POTEC: variants seen among roughly 807,000 people sequenced by gnomAD.
The protein encoded by POTEC is ANKRD26-like family B member 2.
In POTEC, 35 loss-of-function variants were observed where a neutral mutation model predicts 62.0. That is an observed-to-expected ratio of 0.56 (90% CI 0.43 to 0.75). The LOEUF is 0.75. POTEC is among the 30% of genes least tolerant of loss of function. The pLI is 0.00. For missense variants in POTEC, 472 were observed against 655.9 expected (o/e 0.72, Z 3.06); for synonymous variants, 156 against 221.5 (o/e 0.70, Z 2.62).
At chr18:14,530,186 G>A (rs905004188) in intron 6 of POTEC, among the ~76,000 whole-genome samples, 11 of 151,746 alleles carry the variant, frequency 7.2e-5, no homozygotes, top group Non-Finnish European at 1.3e-4. Flanking sequence ...AGAATCTAAT[G>A]CCTGATGATA....
At position 14,511,601 on chromosome 18, in the gene POTEC, TC is replaced by T; in HGVS notation, c.*296del. ...TTCATGTTTGTTCTCTGGAAAGAAGTCCCTTTCAGCTATCTGACTTTGATCA... is the reference window on the plus strand; with the variant it reads ...TTCATGTTTGTTCTCTGGAAAGAAGTCCTTTCAGCTATCTGACTTTGATCA... On this transcript the variant is annotated 3_prime_UTR_variant, in exon 11 of 11. Transcript: ENST00000358970. 2.0e-6 allele frequency: 1 copy of T among 498,418 alleles called. No individual in the cohort carries two copies. The highest frequency in any genetic ancestry group is 3.6e-6 in the Non-Finnish European group (1 of 281,528). 30.9% of individuals were successfully genotyped at this position (498,418 alleles called of 1,614,324 possible). A position where few individuals can be genotyped will look rare whatever the true frequency, so the allele number is the denominator to read the frequency against.
chr18:14,513,519 G>A (rs1910063985), intron 10 of POTEC, 143 bp downstream of exon 10: 11 of 1,309,220 alleles, frequency 8.4e-6, no homozygotes, highest in Non-Finnish European at 1.1e-5. Context: ...GATATACAGG[G>A]TGTGTGTTTA....
Position 14,511,987 on chromosome 18 carries a change from G to A in POTEC, c.1540C>T (p.Leu514Phe), listed in dbSNP as rs777360180. The change falls in exon 11 of 11, where the codon CTT becomes TTT. Residue 514 changes from leucine to phenylalanine, a missense_variant. Physicochemically the swap from Leu to Phe is conservative, Grantham distance 22. Coordinates refer to ENST00000358970, the MANE Select transcript of POTEC (RefSeq NM_001137671.2). ...AGATCTTCTTCTTTCTTATGACTAA[G>A]AGAAAGCTAAGTAAACAAAGGGAAC... ...AEKKMNSELS[L>F]SHKKEEDLLR... 1.6e-5 allele frequency: 26 copies of A among 1,612,016 alleles called. 1 individual carries two copies. The South Asian group carries it at 2.9e-4, about 18-fold the overall frequency.
At chr18:14,531,958 TG>T (rs1160836908) in intron 5 of POTEC, among the ~76,000 whole-genome samples, 1 of 151,224 alleles carries the variant, frequency 6.6e-6, no homozygotes, top group East Asian at 2.0e-4. Context: ...GGAAGTAGCT[TG>T]GATGATTTTC....
At chr18:14,518,125 G>A (rs868015240) in intron 9 of POTEC, among the ~76,000 whole-genome samples, 44 of 152,072 alleles carry the variant, frequency 2.9e-4, no homozygotes, top group African/African-American at 9.7e-4. Context: ...AATATATCCA[G>A]GATAAACTCC....
In POTEC at chr18:14,522,264, C is replaced by T. The variant is rs1210507056; in HGVS notation, c.1399G>A (p.Glu467Lys). 1.3e-6 allele frequency: 2 copies of T among 1,573,000 alleles called. No homozygotes were observed. The highest frequency in any genetic ancestry group is 1.7e-6 in the Non-Finnish European group (2 of 1,168,498). ...NQQFPDTENE[E>K]YHSDEQNDTR... ...TTGCCATAGGCTTACCTGTGATACT[C>T]TTCATTCTCAGTGTCAGGAAATTGC... is the stretch of plus-strand genomic sequence containing the variant. The change falls in exon 9 of 11, where the codon GAG becomes AAG. Residue 467 changes from glutamate to lysine, a missense_variant. Physicochemically the swap from Glu to Lys is moderately conservative, Grantham distance 56 (BLOSUM62 1). Coordinates refer to ENST00000358970, the MANE Select transcript of POTEC (RefSeq NM_001137671.2).
chr18:14,533,220 C>T, intron 4 of POTEC, 22 bp from the exon 5 acceptor site: 1 of 1,603,652 alleles, frequency 6.2e-7, no homozygotes, highest in Non-Finnish European at 8.5e-7. Context: ...GAGATAATTT[C>T]TCCTTTAGGA....
chr18:14,530,462 A>T (rs1905469956), intron 6 of POTEC, 21 bp downstream of exon 6: 2 of 1,602,642 alleles, frequency 1.2e-6, no homozygotes, highest in East Asian at 4.5e-5. Flanking sequence ...ACCTAAAGTA[A>T]TTCATTATCA....
At chr18:14,518,965 C>T (rs1306684847) in intron 9 of POTEC, among the ~76,000 whole-genome samples, 1 of 152,144 alleles carries the variant, frequency 6.6e-6, no homozygotes, top group East Asian at 1.9e-4. Context: ...TTAAATACAT[C>T]CACTGAGTTA....
At chr18:14,538,925 G>A (rs1905840166) in intron 1 of POTEC, among the ~76,000 whole-genome samples, 1 of 152,116 alleles carries the variant, frequency 6.6e-6, no homozygotes, top group Non-Finnish European at 1.5e-5. Context: ...AATCCCTGGT[G>A]CCTTACATTA....
intron 6 of POTEC, among the ~76,000 whole-genome samples, chr18:14,525,639 T>G (rs960196191): frequency 1.3e-5 from 2 of 151,726 alleles, no homozygotes; most frequent in African/African-American, 4.8e-5. Context: ...TTGTTCTGCT[T>G]CTGTAAGTTT....
At chr18:14,531,889 C>G (rs1905530367) in intron 5 of POTEC, 1 of 151,878 alleles carries the variant, frequency 6.6e-6, no homozygotes, top group African/African-American at 2.4e-5. Flanking sequence ...TGAGAATTCT[C>G]TTCAATGGCT....
chr18:14,537,031 G>T (rs1224946041), intron 3 of POTEC, among the ~76,000 whole-genome samples: 4 of 150,828 alleles, frequency 2.7e-5, no homozygotes, highest in Non-Finnish European at 5.9e-5. Context: ...TGCCAATCTG[G>T]TTCCTCAGAG....
intron 3 of POTEC, among the ~76,000 whole-genome samples, chr18:14,537,199 ACACACAC>A (rs1188040230): frequency 4.5e-5 from 4 of 88,842 alleles, no homozygotes; most frequent in African/African-American, 2.1e-4. Context: ...ACACACACAC[ACACACAC>A]ACACAAAAAA....
intron 4 of POTEC, among the ~76,000 whole-genome samples, chr18:14,534,386 G>A (rs1905636032): frequency 1.3e-5 from 2 of 152,040 alleles, no homozygotes; most frequent in South Asian, 4.1e-4. Context: ...CCCACAGTAT[G>A]TGGGAATAGC....
At chr18:14,536,748 A>G (rs567969627) in intron 3 of POTEC, among the ~76,000 whole-genome samples, 14 of 152,266 alleles carry the variant, frequency 9.2e-5, no homozygotes, top group African/African-American at 3.1e-4. Context: ...GATCTGGCCA[A>G]AAAGAGGAAA....
intron 1 of POTEC, 69 bp downstream of exon 1, chr18:14,542,557 C>T (rs1182905113): frequency 2.5e-6 from 4 of 1,602,266 alleles, no homozygotes; most frequent in Non-Finnish European, 3.4e-6. Flanking sequence ...CTCCTCCCTC[C>T]CTGCGCCAGG....
At chr18:14,534,380 C>A (rs1245801789) in intron 4 of POTEC, among the ~76,000 whole-genome samples, 1 of 152,018 alleles carries the variant, frequency 6.6e-6, no homozygotes, top group East Asian at 1.9e-4. Context: ...GTTGAACCCA[C>A]AGTATGTGGG....
At chr18:14,525,072 TTTTA>T in intron 6 of POTEC, 89 bp from the exon 7 acceptor site, 2 of 1,531,202 alleles carry the variant, frequency 1.3e-6, no homozygotes, top group Non-Finnish European at 1.8e-6. Flanking sequence ...GAAGACAGCA[TTTTA>T]TTTTATTTCA....
Sources: allele counts gnomAD v4.1 joint callset (sites outside exome capture counted in the v4.1 genomes callset), GRCh38; gene constraint gnomAD v4.1.1; transcripts MANE v1.5; gene names NCBI Gene and HGNC (gene_info 2026-07-23, HGNC 2026-07-21).